Variants in GFAP observed in about 807,000 individuals in gnomAD.
GFAP encodes the protein intermediate filament protein.
Under a neutral mutation model 49.3 loss-of-function variants are expected in GFAP, and 38 were observed. That is an observed-to-expected ratio of 0.77 (90% confidence interval 0.60 to 1.01). GFAP has a LOEUF of 1.01. Among genes scored for constraint, GFAP ranks in the 50% least tolerant of loss-of-function variants. The pLI is 0.00. For missense variants in GFAP, 463 were observed against 579.1 expected, an observed-to-expected ratio of 0.80 and a Z score of 2.06; for synonymous variants, 222 against 236.4, an observed-to-expected ratio of 0.94 and a Z score of 0.56.
At chr17:44,908,035 A>C (rs754591549) in intron 8 of GFAP, 29 bp downstream of exon 8, 283 of 1,484,496 alleles carry the variant, frequency 1.9e-4, no homozygotes, top group Non-Finnish European at 2.5e-4. Flanking sequence ...GGCCAGCCAG[A>C]GCCTGACTGG....
At chr17:44,907,668 C>T in intron 8 of GFAP, 1 of 577,060 alleles carries the variant, frequency 1.7e-6, no homozygotes, top group Non-Finnish European at 3.1e-6. Context: ...TCCCCTCTTC[C>T]CATTCCCCTG....
rs2051665419 is a variant in GFAP, at chr17:44,907,188, A to G, written c.*159T>C. On this transcript the variant is annotated 3_prime_UTR_variant, in exon 9 of 9. Transcript: ENST00000588735. ...GGCAGGCCTGATACTGACGGAGCCT[A>G]GGGCAGCAAGCTGACCTAGGGACAG... The G allele has an allele frequency of 8.5e-6, 6 of 709,110 alleles. No individual in the cohort carries two copies. The highest frequency in any genetic ancestry group is 1.8e-5 in the African/African-American group (1 of 57,060). 43.9% of individuals were successfully genotyped at this position (709,110 alleles called of 1,614,324 possible). A position where few individuals can be genotyped will look rare whatever the true frequency, so the allele number is the denominator to read the frequency against.
chr17:44,909,824 G>A lies in GFAP; in HGVS notation c.1171+791C>T, dbSNP rs771344525. 201 of 1,206,422 alleles carry A rather than the reference G, an allele frequency of 1.7e-4. No individual in the cohort carries two copies. The Middle Eastern group carries it at 3.7e-3, about 22-fold the overall frequency. 74.7% of individuals were successfully genotyped at this position (1,206,422 alleles called of 1,614,324 possible). On this transcript the variant is annotated intron_variant, in intron 7 of 8. Coordinates refer to ENST00000588735, the MANE Select transcript of GFAP (RefSeq NM_002055.5). ...AGAGAGCCTGGCGTCCAGGCACAGC[G>A]AGACCCAAGGGGCCCTCCCAGTGAC...
chr17:44,905,202 C>T lies in GFAP; in HGVS notation c.*2145G>A. The T allele has an allele frequency of 2.9e-5, 21 of 729,302 alleles. No individual in the cohort carries two copies. In the South Asian group the frequency reaches 4.0e-4, roughly 14 times the overall value. The allele number at this position is 729,302 out of a possible 1,614,324, so 45.2% of individuals were successfully genotyped here. A position where few individuals can be genotyped will look rare whatever the true frequency, so the allele number is the denominator to read the frequency against. On this transcript the variant is annotated 3_prime_UTR_variant, in exon 9 of 9. Transcript: ENST00000588735. ...GTGGACAAATCTGTTACAGCCTGCT[C>T]CCCATTTTCATGGGCAGGTCTGGGA...
At chr17:44,907,914 A>C (rs755574897) in intron 8 of GFAP, 150 bp downstream of exon 8, 6 of 765,654 alleles carry the variant, frequency 7.8e-6, no homozygotes, top group Middle Eastern at 2.3e-4. Flanking sequence ...AATTACATTC[A>C]GTTTCCTTGC....
At chr17:44,914,709 G>A (rs111979924) in intron 1 of GFAP, 21,244 of 424,540 alleles carry the variant, frequency 0.05, 1,008 homozygotes, top group South Asian at 0.12. Context: ...AGGTGAGCTC[G>A]CTGCCCACAG....
At position 44,915,053 on chromosome 17, in the gene GFAP, G is replaced by A. The variant is rs1298774179; in HGVS notation, c.434C>T (p.Ala145Val). Reference sequence around the variant, plus strand: ...CTGCCTCACAGTGGCCAGGTCCTGTGCCAGATTGTCCCTCTCAACCTCCAG... The same window carrying A: ...CTGCCTCACAGTGGCCAGGTCCTGTACCAGATTGTCCCTCTCAACCTCCAG... The part of the protein sequence containing the change: ...ARLEVERDNL[A>V]QDLATVRQKL... Residue 145 changes from alanine to valine, a missense_variant, in exon 1 of 9, where the codon GCA becomes GTA. Around this residue, in one of 3 missense-constraint regions of GFAP, gnomAD observed 362 missense variants for 445.5 expected, o/e 0.81. Coordinates refer to ENST00000588735, the MANE Select transcript of GFAP (RefSeq NM_002055.5). This position sits in a 1 kb window ranked among gnomAD's most constrained non-coding sequence, Gnocchi z 4.1. 6.2e-7 allele frequency: 1 copy of A among 1,612,470 alleles called. No individual in the cohort carries two copies. The highest frequency in any genetic ancestry group is 2.2e-5 in the East Asian group (1 of 44,884).
chr17:44,903,301 TC>T lies in GFAP; in HGVS notation c.*4045del. 1 of 1,245,078 alleles carries T rather than the reference TC, an allele frequency of 8.0e-7. No individual in the cohort carries two copies. The highest frequency in any genetic ancestry group is 1.0e-6 in the Non-Finnish European group (1 of 995,608). The allele number at this position is 1,245,078 out of a possible 1,614,324, so 77.1% of individuals were successfully genotyped here. A position where few individuals can be genotyped will look rare whatever the true frequency, so the allele number is the denominator to read the frequency against. On this transcript the variant is annotated 3_prime_UTR_variant, in exon 9 of 9. Coordinates refer to ENST00000588735, the MANE Select transcript of GFAP (RefSeq NM_002055.5). Reference sequence around the variant, plus strand: ...CTACATCATTTGAGGTGTTGAATTTTCCCCTAGAGACTCAGTTCTTGTGCAG... The same window carrying T: ...CTACATCATTTGAGGTGTTGAATTTTCCCTAGAGACTCAGTTCTTGTGCAG...
At chr17:44,910,450 C>T in intron 7 of GFAP, 165 bp downstream of exon 7, 1 of 1,568,300 alleles carries the variant, frequency 6.4e-7, no homozygotes, top group Non-Finnish European at 8.6e-7. Flanking sequence ...TAGAAGTACC[C>T]TGGTATGATA....
In GFAP at chr17:44,914,046, G is replaced by T. The variant is rs745894599; in HGVS notation, c.504C>A (p.Asn168Lys). 22 of 1,559,098 alleles carry T rather than the reference G, an allele frequency of 1.4e-5. No homozygotes were observed. The highest frequency in any genetic ancestry group is 1.7e-5 in the Non-Finnish European group (19 of 1,150,902). ...CCCTGACCTGTCTATAGGCAGCCAG[G>T]TTGTTCTCGGCTTCCAGCCTCAGGT... ...ETNLRLEAEN[N>K]LAAYRQEADE... Residue 168 changes from asparagine (N) to lysine (K), a missense_variant, in exon 2 of 9, where the codon AAC (asparagine) becomes AAA (lysine). Around this residue, in one of 3 missense-constraint regions of GFAP, gnomAD observed 362 missense variants for 445.5 expected, o/e 0.81. Transcript: ENST00000588735.
Position 44,907,311 on chromosome 17 carries a change from A to G in GFAP, c.*36T>C, listed in dbSNP as rs373125489. On this transcript the variant is annotated 3_prime_UTR_variant, in exon 9 of 9. Transcript: ENST00000588735. ...TATCCTGCTTCTGCTCGGGCCCCTC[A>G]TGAGACGGGGCAGAGGCCACCAGGT... 126 of 1,605,284 alleles carry G rather than the reference A, an allele frequency of 7.8e-5. No homozygotes were observed. The highest frequency in any genetic ancestry group is 1.0e-4 in the Non-Finnish European group (123 of 1,172,170).
In GFAP at chr17:44,907,301, C is replaced by A. The variant is rs770321525; in HGVS notation, c.*46G>T. The A allele has an allele frequency of 1.3e-6, 2 of 1,587,392 alleles. No homozygotes were observed. Among genetic ancestry groups the A allele is most frequent in the Non-Finnish European group, 1.7e-6 (2 of 1,155,976 alleles). Reference sequence around the variant, plus strand: ...GCGGAGCAACTATCCTGCTTCTGCTCGGGCCCCTCATGAGACGGGGCAGAG... The same window carrying A: ...GCGGAGCAACTATCCTGCTTCTGCTAGGGCCCCTCATGAGACGGGGCAGAG... On this transcript the variant is annotated 3_prime_UTR_variant, in exon 9 of 9. Transcript: ENST00000588735.
At position 44,910,621 on chromosome 17, in the gene GFAP, T is replaced by A; in HGVS notation, c.1165A>T (p.Ile389Phe). ...GAGGCCCTGCTGTACTGACCTCGAA[T>A]CTGCAGGTTGGAGAAGGTCTGCACG... The part of the protein sequence containing the change: ...IPVQTFSNLQ[I>F]RETSLDTKSV... Residue 389 changes from isoleucine to phenylalanine, a missense_variant, in exon 7 of 9, where the codon ATT becomes TTT. Coordinates refer to ENST00000588735, the MANE Select transcript of GFAP (RefSeq NM_002055.5). 6.3e-7 allele frequency: 1 copy of A among 1,581,078 alleles called. No homozygotes were observed. The highest frequency in any genetic ancestry group is 8.6e-7 in the Non-Finnish European group (1 of 1,163,184).
intron 4 of GFAP, chr17:44,912,666 GC>G (rs1183231884): frequency 6.2e-6 from 1 of 161,652 alleles, no homozygotes; most frequent in Non-Finnish European, 1.4e-5. Context: ...GTCCTGCCTA[GC>G]CCAAATGCCC....
At chr17:44,910,833 T>C (rs2051746341) in intron 6 of GFAP, 175 bp from the exon 7 acceptor site, 1 of 856,744 alleles carries the variant, frequency 1.2e-6, no homozygotes. Context: ...TCCAAACGTC[T>C]GCAAGGGGCT....
At position 44,913,266 on chromosome 17, in the gene GFAP, T is replaced by C. The variant is rs371155222; in HGVS notation, c.780+3A>G. ...AGGCAGGCTGGCCCACAGGCAGGGC[T>C]ACCTTGGAGCGGTACCACTCTTCGG... On this transcript the variant is annotated splice_donor_region_variant and intron_variant, in intron 4 of 8. Coordinates refer to ENST00000588735, the MANE Select transcript of GFAP (RefSeq NM_002055.5). 1 of 1,614,078 alleles carries C rather than the reference T, an allele frequency of 6.2e-7. No homozygotes were observed. Among genetic ancestry groups the C allele is most frequent in the South Asian group, 1.1e-5 (1 of 91,082 alleles).
rs573254461 is a variant in GFAP at position 44,904,522 on chromosome 17, G to A, written c.*2825C>T. The A allele has an allele frequency of 7.6e-5, 118 of 1,550,460 alleles. No homozygotes were observed. The highest frequency in any genetic ancestry group is 9.1e-5 in the Non-Finnish European group (104 of 1,146,936). ...TGCGGACCAAGGCCAGGGACCACAC[G>A]CCTGAGGTGCTGGTTCGGAGCTGCT... is the stretch of plus-strand genomic sequence containing the variant. On this transcript the variant is annotated 3_prime_UTR_variant, in exon 9 of 9. Coordinates refer to ENST00000588735, the MANE Select transcript of GFAP (RefSeq NM_002055.5).
At chr17:44,910,759 T>C in intron 6 of GFAP, 101 bp from the exon 7 acceptor site, 1 of 1,516,638 alleles carries the variant, frequency 6.6e-7, no homozygotes, top group Non-Finnish European at 8.9e-7. Context: ...GCCCTTTTCC[T>C]TGCCAGGAAA....
rs777704456 is a variant in GFAP, at chr17:44,913,622, TC to T, written c.618+105del. ...CTCTACCTGCCAATCTCTGTTTCTC[TC>T]CTCTCTCTGAGTGTCTCTCTCAGTC... On this transcript the variant is annotated intron_variant, in intron 3 of 8. Transcript: ENST00000588735. 337 of 1,057,688 alleles carry T rather than the reference TC, an allele frequency of 3.2e-4. No homozygotes were observed. In the African/African-American group the frequency reaches 4.8e-3, roughly 15 times the overall value. 65.5% of individuals were successfully genotyped at this position (1,057,688 alleles called of 1,614,324 possible).
Sources: gnomAD v4.1 joint callset for allele counts on GRCh38, gnomAD v4.1.1 for gene constraint, gnomAD v4.1.1 regional missense constraint, Gnocchi (gnomAD v3.1) non-coding constraint, MANE v1.5 for transcripts, NCBI Gene and HGNC (gene_info 2026-07-23, HGNC 2026-07-21) for gene names.